FREM1: variants seen among roughly 807,000 people sequenced by gnomAD.
The protein encoded by FREM1 is FRAS1 related extracellular matrix 1, also known as FRAS1-related extracellular matrix protein 1.
Under a neutral mutation model 210.1 loss-of-function variants are expected in FREM1, and 220 were observed. The observed-to-expected ratio is 1.05, with a 90% CI of 0.94 to 1.17. The LOEUF (loss-of-function observed/expected upper bound fraction) is 1.17. Ranked by LOEUF, FREM1 falls within the 50% of genes most tolerant of loss-of-function variation. The pLI is 0.00. For synonymous variants in FREM1, 1,189 were observed against 980.2 expected, an observed-to-expected ratio of 1.21 and a Z score of -3.98; for missense variants, 3,454 against 2,675.5, an observed-to-expected ratio of 1.29 and a Z score of -6.42.
chr9:14,740,029 T>C, intron 36 of FREM1, 120 bp downstream of exon 36: 1 of 538,458 alleles, frequency 1.9e-6, no homozygotes. Context: ...GATCTATTGG[T>C]TGCCTATTAT....
chr9:14,866,292 TAC>T (rs1293304403), intron 2 of FREM1, among the ~76,000 whole-genome samples: 1 of 152,218 alleles, frequency 6.6e-6, no homozygotes, highest in Non-Finnish European at 1.5e-5. Context: ...AAATGTTTTT[TAC>T]CTAGTTCTAG....
intron 24 of FREM1, among the ~76,000 whole-genome samples, chr9:14,781,132 T>C (rs1849584873): frequency 6.6e-6 from 1 of 152,214 alleles, no homozygotes; most frequent in Admixed American, 6.5e-5. Context: ...GATACTCAGT[T>C]ATGTCAGTTT....
Position 14,748,460 on chromosome 9 carries a change from C to T in FREM1, c.5737G>A (p.Gly1913Ser), listed in dbSNP as rs1245527356. The T allele has an allele frequency of 1.2e-6, 2 of 1,613,750 alleles. No individual in the cohort carries two copies. The highest frequency in any genetic ancestry group is 2.2e-5 in the East Asian group (1 of 44,872). ...LAVIRGDTLR[G>S]FDSTDLSQRK... The stretch of plus-strand genomic sequence containing the variant: ...TGAGAAAGATCTGTAGAATCAAAGC[C>T]CCGCAGGGTGTCTCCCCTGATGACT... The change falls in exon 31 of 37, where the codon GGC (glycine) becomes AGC (serine). Residue 1913 changes from glycine (G) to serine (S), a missense_variant. By Grantham distance (56) the Gly-to-Ser change is moderately conservative. Transcript: ENST00000380880.
intron 10 of FREM1, among the ~76,000 whole-genome samples, chr9:14,835,196 T>G (rs1824326849): frequency 6.6e-6 from 1 of 152,260 alleles, no homozygotes; most frequent in Non-Finnish European, 1.5e-5. Flanking sequence ...GATCCTTGTT[T>G]AGTTTTTCAG....
chr9:14,872,966 TAC>T (rs1464601801), intron 1 of FREM1, among the ~76,000 whole-genome samples: 1 of 150,476 alleles, frequency 6.6e-6, no homozygotes, highest in East Asian at 1.9e-4. Flanking sequence ...TATGCTGGAT[TAC>T]ATTTATTGAT....
chr9:14,789,773 C>G (rs1412734700), intron 22 of FREM1, among the ~76,000 whole-genome samples: 3 of 152,130 alleles, frequency 2.0e-5, no homozygotes, highest in Non-Finnish European at 4.4e-5. Flanking sequence ...ATGTTTTGTA[C>G]AGAGCTTGAT....
chr9:14,818,480 C>A lies in FREM1; in HGVS notation c.2546+754G>T, dbSNP rs560034449. On this transcript the variant is annotated intron_variant, in intron 14 of 36. Transcript: ENST00000380880. ...TATAATATCTCCTATCATACTTTAT[C>A]TAAAGGGCTAATGCTCCCATTTATA... Among the ~76,000 whole-genome samples the A allele has an allele frequency of 2.0e-5, 3 of 152,310 alleles. No individual in the cohort carries two copies. The East Asian group carries it at 5.8e-4, about 29-fold the overall frequency.
At position 14,748,590 on chromosome 9, in the gene FREM1, C is replaced by T; in HGVS notation, c.5607G>A (p.Trp1869Ter). The T allele has an allele frequency of 6.2e-7, 1 of 1,613,806 alleles. No homozygotes were observed. Residue 1869 changes from tryptophan (W) to a stop codon, truncating the protein, a stop_gained, in exon 31 of 37, where the codon TGG (tryptophan) becomes TGA (stop). Transcript: ENST00000380880. LOFTEE classifies it high-confidence loss of function. The stretch of plus-strand genomic sequence containing the variant: ...GCAGCAGATGCCAAATGCCCTTCTC[C>T]CATGTGCTGTGCTTGCTTTGGTTGG... Reference protein sequence around the residue: ...YSSNQSKHSTWEKGIWHLLPP... With the variant: ...YSSNQSKHST
chr9:14,846,600 A>G (rs2131302952), intron 7 of FREM1, among the ~76,000 whole-genome samples: 1 of 152,294 alleles, frequency 6.6e-6, no homozygotes, highest in Non-Finnish European at 1.5e-5. Context: ...AGATGAGTGA[A>G]TTTCCACTCA....
At chr9:14,801,921 T>G (rs760133801) in intron 19 of FREM1, 47 bp from the exon 20 acceptor site, 1 of 1,367,764 alleles carries the variant, frequency 7.3e-7, no homozygotes, top group South Asian at 1.3e-5. Context: ...AAAAGACAAC[T>G]TGTCTTTCTT....
At chr9:14,739,047 A>G (rs1284241964) in intron 36 of FREM1, among the ~76,000 whole-genome samples, 1 of 151,584 alleles carries the variant, frequency 6.6e-6, no homozygotes, top group Non-Finnish European at 1.5e-5. Context: ...TATTGTTAAA[A>G]CTGTAGAAAA....
intron 15 of FREM1, among the ~76,000 whole-genome samples, chr9:14,816,489 G>A (rs1820332251): frequency 6.6e-6 from 1 of 152,074 alleles, no homozygotes; most frequent in Admixed American, 6.6e-5. Context: ...GAGGTGGGAG[G>A]TTTATAGGTC....
rs201277636 is a variant in FREM1 at position 14,860,542 on chromosome 9, T to TAC, written c.330-1060_330-1059dup. Among the ~76,000 whole-genome samples the TAC allele has an allele frequency of 1.6e-4, 19 of 120,262 alleles. No individual in the cohort carries two copies. In the South Asian group the frequency reaches 4.3e-3, roughly 27 times the overall value. 78.9% of individuals were successfully genotyped at this position (120,262 alleles called of 152,430 possible). ...GGTACGTAGTAGGTATGTATATATATACACATATATATACACACATATATA... is the reference window on the plus strand; with the variant it reads ...GGTACGTAGTAGGTATGTATATATATACACACATATATATACACACATATATA... On this transcript the variant is annotated intron_variant, in intron 3 of 36. Transcript: ENST00000380880.
intron 10 of FREM1, among the ~76,000 whole-genome samples, chr9:14,837,666 G>T (rs1271708171): frequency 3.3e-5 from 5 of 152,130 alleles, no homozygotes; most frequent in Non-Finnish European, 7.3e-5. Context: ...CCACACTATG[G>T]CTGGGAAGTC....
rs1847225548 is a variant in FREM1, at chr9:14,769,934, T to C, written c.5060-66A>G. The C allele has an allele frequency of 5.2e-6, 4 of 773,776 alleles. No homozygotes were observed. In the East Asian group the frequency reaches 1.1e-4, roughly 22 times the overall value. 47.9% of individuals were successfully genotyped at this position (773,776 alleles called of 1,614,324 possible). ...AAACATTAAATAAAAGCTAATAAAA[T>C]TGTATGGCTATTTTATTTTAAACAC... On this transcript the variant is annotated intron_variant, in intron 26 of 36. Transcript: ENST00000380880.
intron 24 of FREM1, among the ~76,000 whole-genome samples, chr9:14,776,446 T>A (rs1018836834): frequency 6.6e-6 from 1 of 152,232 alleles, no homozygotes; most frequent in African/African-American, 2.4e-5. Flanking sequence ...ACCCATGTGA[T>A]GGAACAGGGA....
chr9:14,860,816 C>CATATATAT (rs1554707531), intron 3 of FREM1, among the ~76,000 whole-genome samples: 1 of 72,182 alleles, frequency 1.4e-5, no homozygotes, highest in East Asian at 5.1e-4. Context: ...TACATATATA[C>CATATATAT]ACATATATAC....
chr9:14,745,139 A>T (rs1842191779), intron 35 of FREM1, among the ~76,000 whole-genome samples: 1 of 152,204 alleles, frequency 6.6e-6, no homozygotes. Flanking sequence ...AGGAGGAAGA[A>T]GATCAGGAAA....
Position 14,857,701 on chromosome 9 carries a change from A to C in FREM1, c.680T>G (p.Leu227Ter). The part of the protein sequence containing the change: ...KCPGGSCTPG[L>*]KKIGSLKVSC... Reference sequence around the variant, plus strand: ...CACTTTGAGGCTTCCTATTTTCTTTAATCCTGGGGTACAGCTCCCACCTGG... The same window carrying C: ...CACTTTGAGGCTTCCTATTTTCTTTCATCCTGGGGTACAGCTCCCACCTGG... Residue 227 changes from leucine (L) to a stop codon, truncating the protein, a stop_gained, in exon 5 of 37, where the codon TTA becomes TGA. Transcript: ENST00000380880. LOFTEE classifies it high-confidence loss of function. The C allele has an allele frequency of 6.2e-7, 1 of 1,613,498 alleles. No homozygotes were observed. The highest frequency in any genetic ancestry group is 8.5e-7 in the Non-Finnish European group (1 of 1,179,662).
Sources: gnomAD v4.1 joint callset for allele counts (sites outside exome capture counted in the v4.1 genomes callset) on GRCh38, gnomAD v4.1.1 for gene constraint, MANE v1.5 for transcripts, NCBI Gene and HGNC (gene_info 2026-07-23, HGNC 2026-07-21) for gene names.